ESRRG: variants seen among roughly 807,000 people sequenced by gnomAD.
ESRRG encodes estrogen related receptor gamma.
ESRRG carries 13 observed loss-of-function variants against 44.0 expected under a neutral mutation model. The observed-to-expected ratio is 0.30, with a 90% CI of 0.19 to 0.47. The LOEUF is 0.47. Among genes scored for constraint, ESRRG ranks in the 20% least tolerant of loss-of-function variants. The pLI is 1.00. For missense variants in ESRRG, 395 were observed against 580.6 expected, an observed-to-expected ratio of 0.68 and a Z score of 3.29; for synonymous variants, 215 against 214.6, an observed-to-expected ratio of 1.00 and a Z score of -0.02.
intron 2 of ESRRG, among the ~76,000 whole-genome samples, chr1:216,768,388 T>C (rs913001738): frequency 6.6e-6 from 1 of 152,148 alleles, no homozygotes; most frequent in Non-Finnish European, 1.5e-5. Context: ...AAATCATCTT[T>C]ATTCATTGAC....
chr1:217,014,508 C>T (rs2079070354), intron 1 of ESRRG, among the ~76,000 whole-genome samples: 1 of 152,150 alleles, frequency 6.6e-6, no homozygotes, highest in Non-Finnish European at 1.5e-5. Flanking sequence ...GGCTTTCTCT[C>T]ATTGGTTGTT....
intron 1 of ESRRG, among the ~76,000 whole-genome samples, chr1:217,114,799 G>A (rs1159022260): frequency 6.6e-6 from 1 of 151,396 alleles, no homozygotes; most frequent in Non-Finnish European, 1.5e-5. Context: ...TGGGATTACA[G>A]GCGCCCGCCA....
chr1:216,568,435 C>T (rs2060076298), intron 3 of ESRRG, among the ~76,000 whole-genome samples: 1 of 152,182 alleles, frequency 6.6e-6, no homozygotes, highest in Non-Finnish European at 1.5e-5. Context: ...AAGACCCTGG[C>T]ATTTAGCATC....
At chr1:216,773,974 A>C (rs190715816) in intron 2 of ESRRG, among the ~76,000 whole-genome samples, 60 of 152,296 alleles carry the variant, frequency 3.9e-4, no homozygotes, top group African/African-American at 1.4e-3. Context: ...CTAATACCTT[A>C]GAGTATGATC....
rs553039826 is a variant in ESRRG, at chr1:216,781,280, TA to T, written c.-13-103790del. ...GGAATGCATCCCTGAACAACCAAAA[TA>T]AAAAAAAAAAATCGCTTGCCTCAAT... On this transcript the variant is annotated intron_variant, in intron 2 of 7. Transcript: ENST00000359162. Among the ~76,000 whole-genome samples, 147 of 141,696 alleles carry T rather than the reference TA, an allele frequency of 1.0e-3. 1 individual carries two copies. The highest frequency in any genetic ancestry group is 7.2e-3 in the Middle Eastern group (2 of 276). The allele number at this position is 141,696 out of a possible 152,430, so 93.0% of individuals were successfully genotyped here.
chr1:216,504,506 G>A lies in ESRRG; in HGVS notation c.*2433C>T, dbSNP rs2040877576. 1.3e-5 allele frequency: 2 copies of A among 152,486 alleles called. No homozygotes were observed. The highest frequency in any genetic ancestry group is 2.9e-5 in the Non-Finnish European group (2 of 67,994). 9.4% of individuals were successfully genotyped at this position (152,486 alleles called of 1,614,324 possible). ...ACAATCTACAATATAGTCCCATATA[G>A]CTAATGATAGATACACAGTATTCCT... is the stretch of plus-strand genomic sequence containing the variant. On this transcript the variant is annotated 3_prime_UTR_variant, in exon 7 of 7. Transcript: ENST00000408911.
rs146961998 is a variant in ESRRG, at chr1:216,936,160, T to G, written c.-14+3422A>C. On this transcript the variant is annotated intron_variant, in intron 2 of 7. Transcript: ENST00000359162. ...GGATAAAGAGCTCTGTAGTCAGGAA[T>G]GTGAAGGTTGGGGGTGTTGTGGGGG... Among the ~76,000 whole-genome samples, 10 of 152,118 alleles carry G rather than the reference T, an allele frequency of 6.6e-5. No homozygotes were observed. In the East Asian group the frequency reaches 1.9e-3, roughly 30 times the overall value.
chr1:217,110,074 A>G (rs979485957), intron 1 of ESRRG, among the ~76,000 whole-genome samples: 3 of 152,110 alleles, frequency 2.0e-5, no homozygotes, highest in African/African-American at 7.2e-5. Context: ...CCTTCTTTTC[A>G]TCATCTGGAA....
chr1:216,624,289 G>A (rs978241669), intron 3 of ESRRG, among the ~76,000 whole-genome samples: 3 of 152,148 alleles, frequency 2.0e-5, no homozygotes, highest in Non-Finnish European at 1.5e-5. Flanking sequence ...TCATTGCAAA[G>A]ATGAAAAAGC....
chr1:216,727,881 G>A (rs2087875518), upstream of ESRRG, among the ~76,000 whole-genome samples: 1 of 151,412 alleles, frequency 6.6e-6, no homozygotes, highest in South Asian at 2.1e-4. Context: ...TTTTCCCACT[G>A]TTTGTGAAAG....
At chr1:217,002,157 C>T (rs1229878024) in intron 1 of ESRRG, among the ~76,000 whole-genome samples, 1 of 151,804 alleles carries the variant, frequency 6.6e-6, no homozygotes, top group African/African-American at 2.4e-5. Context: ...CAAAAATTAG[C>T]TGGGCATGGT....
chr1:216,757,360 TG>T (rs1169071211), intron 2 of ESRRG, among the ~76,000 whole-genome samples: 1 of 152,090 alleles, frequency 6.6e-6, no homozygotes, highest in Non-Finnish European at 1.5e-5. Flanking sequence ...GTAAAACTGC[TG>T]TGAAAAAGCC....
intron 1 of ESRRG, among the ~76,000 whole-genome samples, chr1:216,719,186 T>C (rs1185146885): frequency 6.6e-6 from 1 of 152,032 alleles, no homozygotes; most frequent in African/African-American, 2.4e-5. Flanking sequence ...CTTCTTTGTC[T>C]GTAATTCTTG....
intron 3 of ESRRG, among the ~76,000 whole-genome samples, chr1:216,582,820 G>A (rs2063047328): frequency 1.3e-5 from 2 of 152,182 alleles, no homozygotes; most frequent in Admixed American, 6.5e-5. Context: ...GGTCTTTGAA[G>A]TGGCAAAAGA....
intron 5 of ESRRG, among the ~76,000 whole-genome samples, chr1:216,544,436 G>A (rs1259210911): frequency 1.3e-5 from 2 of 151,916 alleles, no homozygotes; most frequent in Non-Finnish European, 2.9e-5. Context: ...GGAGATCCAG[G>A]GTTGTAAGGA....
intron 2 of ESRRG, among the ~76,000 whole-genome samples, chr1:216,779,219 TTATATTTATAAA>T (rs1490853763): frequency 3.2e-4 from 10 of 31,158 alleles, no homozygotes; most frequent in African/African-American, 1.2e-3. Flanking sequence ...AAATATATAT[TTATATTTATAAA>T]TATAAATATA....
At chr1:216,644,004 A>T (rs2066984872) in intron 3 of ESRRG, among the ~76,000 whole-genome samples, 2 of 152,174 alleles carry the variant, frequency 1.3e-5, no homozygotes, top group South Asian at 4.1e-4. Flanking sequence ...AGCTTGGCAT[A>T]GATACAGGAA....
chr1:216,880,981 TA>T (rs1360823982), intron 2 of ESRRG, among the ~76,000 whole-genome samples: 24 of 152,256 alleles, frequency 1.6e-4, no homozygotes, highest in Non-Finnish European at 2.9e-4. Context: ...ATATAAATAT[TA>T]ATTGAAAATG....
chr1:216,760,417 C>T (rs958209245), intron 2 of ESRRG, among the ~76,000 whole-genome samples: 1 of 151,364 alleles, frequency 6.6e-6, no homozygotes, highest in African/African-American at 2.4e-5. Context: ...AACTGATATC[C>T]ATGGCCTGAG....
Sources: allele counts gnomAD v4.1 joint callset (sites outside exome capture counted in the v4.1 genomes callset), GRCh38; gene constraint gnomAD v4.1.1; transcripts MANE v1.5; gene names NCBI Gene and HGNC (gene_info 2026-07-23, HGNC 2026-07-21).